GOLGA6L2: variants seen among roughly 807,000 people sequenced by gnomAD.
GOLGA6L2 encodes golgin A6 family like 2, also known as golgin subfamily A member 6-like protein 2.
GOLGA6L2 carries 30 observed loss-of-function variants against 35.9 expected under a neutral mutation model. The observed-to-expected ratio is 0.83, with a 90% CI of 0.62 to 1.13. The LOEUF is 1.13. GOLGA6L2 is among the 50% of genes most tolerant of loss of function. The probability of loss-of-function intolerance (pLI) is 0.00; values close to 1 mark genes in which losing one functional copy is unlikely to be tolerated. For synonymous variants in GOLGA6L2, 297 were observed against 344.0 expected, an observed-to-expected ratio of 0.86 and a Z score of 1.51; for missense variants, 821 against 973.4, an observed-to-expected ratio of 0.84 and a Z score of 2.08.
rs560246030 is a variant in GOLGA6L2, at chr15:23,439,254, A to T, written c.*491T>A. Among the ~76,000 whole-genome samples the T allele has an allele frequency of 6.7e-6, 1 of 149,014 alleles. No individual in the cohort carries two copies. The highest frequency in any genetic ancestry group is 2.5e-5 in the African/African-American group (1 of 40,322). ...CAGCCTCCTGAGTAGCTGTGATTAC[A>T]GGCGTGCACAACCACGCCCGGCTAA... On this transcript the variant is annotated 3_prime_UTR_variant, in exon 8 of 8. Transcript: ENST00000567107.
At position 23,441,331 on chromosome 15, in the gene GOLGA6L2, C is replaced by G. The variant is rs2070684286; in HGVS notation, c.1144G>C (p.Glu382Gln). ...WRQEERLWEQ[E>Q]KQMREQEQKM... is the part of the protein sequence containing the mutation. ...TGCTCCTGCTCCCGCATCTGCTTCTCCTGCTCCCACAGCCTCTCCTCCTGT... is the reference window on the plus strand; with the variant it reads ...TGCTCCTGCTCCCGCATCTGCTTCTGCTGCTCCCACAGCCTCTCCTCCTGT... Residue 382 changes from glutamate (E) to glutamine (Q), a missense_variant, in exon 8 of 8, where the codon GAG becomes CAG. By Grantham distance (29) the Glu-to-Gln change is conservative. Transcript: ENST00000567107. The G allele has an allele frequency of 2.6e-6, 4 of 1,540,048 alleles. No homozygotes were observed. Among genetic ancestry groups the G allele is most frequent in the Non-Finnish European group, 2.6e-6 (3 of 1,146,542 alleles).
At position 23,439,554 on chromosome 15, in the gene GOLGA6L2, T is replaced by A. The variant is rs572713774; in HGVS notation, c.*191A>T. The A allele has an allele frequency of 5.9e-6, 9 of 1,532,720 alleles. No homozygotes were observed. The highest frequency in any genetic ancestry group is 1.4e-5 in the African/African-American group (1 of 72,930). 94.9% of individuals were successfully genotyped at this position (1,532,720 alleles called of 1,614,324 possible). Reference sequence around the variant, plus strand: ...GACAGTGCCAACTTTTAGATATTGATGATCTTCATCTTTCTCTTGTCTCCT... The same window carrying A: ...GACAGTGCCAACTTTTAGATATTGAAGATCTTCATCTTTCTCTTGTCTCCT... On this transcript the variant is annotated 3_prime_UTR_variant, in exon 8 of 8. Transcript: ENST00000567107.
At chr15:23,444,129 AG>A (rs2070730729) in intron 4 of GOLGA6L2, 32 bp downstream of exon 4, 1 of 1,600,850 alleles carries the variant, frequency 6.2e-7, no homozygotes, top group African/African-American at 1.3e-5. Context: ...CCTTCTCCAG[AG>A]GACAGGAGGG....
chr15:23,443,942 T>C lies in GOLGA6L2; in HGVS notation c.426A>G (p.Ala142=). ...GACTCCCCCTAAAGGCCTGTGAAAG[T>C]GCCAGGTTGAAGGATGATGGGGTGC... ...NLGTPSSFNL[A]LSQAFRGSPL... is the part of the protein sequence containing the mutation. The change falls in exon 5 of 8, where the codon GCA becomes GCG. Residue 142 remains alanine (A), a synonymous_variant. Transcript: ENST00000567107. 1 of 1,558,796 alleles carries C rather than the reference T, an allele frequency of 6.4e-7. No individual in the cohort carries two copies. The highest frequency in any genetic ancestry group is 2.3e-5 in the East Asian group (1 of 42,742).
At position 23,443,809 on chromosome 15, in the gene GOLGA6L2, C is replaced by T. The variant is rs191130285; in HGVS notation, c.559G>A (p.Ala187Thr). 7.5e-5 allele frequency: 115 copies of T among 1,539,200 alleles called. No individual in the cohort carries two copies. In the Middle Eastern group the frequency reaches 1.0e-3, roughly 13 times the overall value. ...FAGELQRALS[A>T]VSTWHKKADR... ...GCCTTCTTGTGCCATGTGGACACAG[C>T]AGAGAGAGCCCGCTGTAACTCTCCT... Residue 187 changes from alanine to threonine, a missense_variant, in exon 5 of 8, where the codon GCT (alanine) becomes ACT (threonine). This residue lies in a region of GOLGA6L2 where 614 missense variants were observed against 632.3 expected (regional missense o/e 0.97). Coordinates refer to ENST00000567107, the MANE Select transcript of GOLGA6L2 (RefSeq NM_001304388.2).
intron 1 of GOLGA6L2, among the ~76,000 whole-genome samples, chr15:23,446,783 A>T (rs1886795968): frequency 6.6e-6 from 1 of 152,080 alleles, no homozygotes; most frequent in Non-Finnish European, 1.5e-5. Flanking sequence ...TGGGACACAC[A>T]GGTCCTTGGA....
chr15:23,447,147 ATGGGG>A lies in GOLGA6L2; in HGVS notation c.30_34del (p.Pro11AspfsTer12). The A allele has an allele frequency of 1.1e-6, 1 of 927,360 alleles. No homozygotes were observed. Among genetic ancestry groups the A allele is most frequent in the Non-Finnish European group, 1.6e-6 (1 of 625,048 alleles). 57.4% of individuals were successfully genotyped at this position (927,360 alleles called of 1,614,324 possible). A position where few individuals can be genotyped will look rare whatever the true frequency, so the allele number is the denominator to read the frequency against. ...GTTCTGTCTGGTTTTTTCTGACATC[ATGGGG>A]TGGGGAGGGAGGTGGGGTTGGGGCC... On this transcript the variant is annotated frameshift_variant, in exon 1 of 8. Coordinates refer to ENST00000567107, the MANE Select transcript of GOLGA6L2 (RefSeq NM_001304388.2). LOFTEE classifies it high-confidence loss of function.
chr15:23,444,576 A>C (rs909852364), intron 2 of GOLGA6L2, 76 bp from the exon 3 acceptor site: 21 of 1,379,410 alleles, frequency 1.5e-5, no homozygotes, highest in Non-Finnish European at 2.1e-5. Context: ...AGCGGTACGC[A>C]GGGGTCAGGA....
chr15:23,444,905 A>G (rs917049517), intron 2 of GOLGA6L2, among the ~76,000 whole-genome samples: 3 of 150,058 alleles, frequency 2.0e-5, no homozygotes, highest in African/African-American at 7.3e-5. Context: ...CTTGGCCCCA[A>G]GGTTTCCATT....
At chr15:23,444,619 A>G (rs1194264916) in intron 2 of GOLGA6L2, 119 bp from the exon 3 acceptor site, 43 of 827,790 alleles carry the variant, frequency 5.2e-5, no homozygotes, top group Admixed American at 1.2e-4. Flanking sequence ...CTCAGACCCA[A>G]TGGGAACATG....
At chr15:23,442,649 G>A (rs952092098) in intron 5 of GOLGA6L2, 141 bp from the exon 6 acceptor site, 545 of 752,590 alleles carry the variant, frequency 7.2e-4, no homozygotes, top group Non-Finnish European at 7.5e-4. Flanking sequence ...GCAATTCCAA[G>A]CCCATGGTCT....
At chr15:23,442,838 C>T (rs983493725) in intron 5 of GOLGA6L2, among the ~76,000 whole-genome samples, 76 of 152,102 alleles carry the variant, frequency 5.0e-4, no homozygotes, top group African/African-American at 1.8e-3. Flanking sequence ...CGCTACCACA[C>T]CTGGCTCTCA....
In GOLGA6L2 at chr15:23,440,587, C is replaced by T. The variant is rs372129004; in HGVS notation, c.1888G>A (p.Gly630Arg). Residue 630 changes from glycine to arginine, a missense_variant, in exon 8 of 8, where the codon GGA becomes AGA. Gly to Arg is a moderately radical substitution (Grantham distance 125). This residue lies in a region of GOLGA6L2 where 99 missense variants were observed against 199.9 expected (regional missense o/e 0.50). Transcript: ENST00000567107. ...MGPGGEDARG[G>R]EDAGAGEEDA... ...TCTTCTCCCGCTCCCGCATCCTCTC[C>T]TCCTCTCGCATCTTCTCCTCCTGGT... 6.6e-4 allele frequency: 905 copies of T among 1,367,698 alleles called. No individual in the cohort carries two copies. The South Asian group carries it at 7.4e-3, about 11-fold the overall frequency. 84.7% of individuals were successfully genotyped at this position (1,367,698 alleles called of 1,614,324 possible).
Position 23,440,999 on chromosome 15 carries a change from C to G in GOLGA6L2, c.1476G>C (p.Arg492Ser). The stretch of plus-strand genomic sequence containing the variant: ...ACAGCTTCTCCTTCTGTTCCGGCAG[C>G]CTCTGCTGCTGCCACTCCTTCTCTT... ...EQEEKEWQQQ[R>S]LPEQKEKLWE... The change falls in exon 8 of 8, where the codon AGG (arginine) becomes AGC (serine). Residue 492 changes from arginine (R) to serine (S), a missense_variant. By Grantham distance (110) the Arg-to-Ser change is moderately radical. Coordinates refer to ENST00000567107, the MANE Select transcript of GOLGA6L2 (RefSeq NM_001304388.2). 2 of 1,536,758 alleles carry G rather than the reference C, an allele frequency of 1.3e-6. No individual in the cohort carries two copies. The highest frequency in any genetic ancestry group is 1.8e-6 in the Non-Finnish European group (2 of 1,141,688).
In GOLGA6L2 at chr15:23,441,540, T is replaced by G. The variant is rs113964342; in HGVS notation, c.935A>C (p.Gln312Pro). Residue 312 changes from glutamine to proline, a missense_variant, in exon 8 of 8, where the codon CAG (glutamine) becomes CCG (proline). Transcript: ENST00000567107. ...LREQEGKMRE[Q>P]EEKMRRQEKR... ...CTCCTGTCTCCGCATCTTCTCCTCCTGCTCCCGCATCTTCCCCTCCTGCTC... is the reference window on the plus strand; with the variant it reads ...CTCCTGTCTCCGCATCTTCTCCTCCGGCTCCCGCATCTTCCCCTCCTGCTC... 0.14 allele frequency: 205,483 copies of G among 1,450,760 alleles called. 13,560 individuals are homozygous for G. Among genetic ancestry groups the G allele is most frequent in the South Asian group, 0.17 (13,557 of 79,628 alleles). The allele number at this position is 1,450,760 out of a possible 1,614,324, so 89.9% of individuals were successfully genotyped here.
chr15:23,439,447 C>CT lies in GOLGA6L2; in HGVS notation c.*297dup, dbSNP rs74627979. ...CACAATTTAAAGTAAATTTTCTTTT[C>CT]TTTTTTTTTTTTTTTTTCAAGTTTG... On this transcript the variant is annotated 3_prime_UTR_variant, in exon 8 of 8. Coordinates refer to ENST00000567107, the MANE Select transcript of GOLGA6L2 (RefSeq NM_001304388.2). The CT allele has an allele frequency of 0.053, 22,252 of 416,828 alleles. 38 individuals are homozygous for CT. The highest frequency in any genetic ancestry group is 0.071 in the South Asian group (2,504 of 35,120). 25.8% of individuals were successfully genotyped at this position (416,828 alleles called of 1,614,324 possible).
intron 5 of GOLGA6L2, among the ~76,000 whole-genome samples, chr15:23,443,254 T>C (rs1040533026): frequency 1.3e-5 from 2 of 152,116 alleles, no homozygotes; most frequent in Non-Finnish European, 2.9e-5. Flanking sequence ...GAACGATACA[T>C]TGGCATAGTC....
chr15:23,443,921 C>A lies in GOLGA6L2; in HGVS notation c.447G>T (p.Gly149=). Reference sequence around the variant, plus strand: ...AGGTTGAGACACAGCCCAAAGGACTCCCCCTAAAGGCCTGTGAAAGTGCCA... The same window carrying A: ...AGGTTGAGACACAGCCCAAAGGACTACCCCTAAAGGCCTGTGAAAGTGCCA... The part of the protein sequence containing the change: ...FNLALSQAFR[G]SPLGCVSTSL... The change falls in exon 5 of 8, where the codon GGG becomes GGT. Residue 149 remains glycine, a synonymous_variant. Transcript: ENST00000567107. 6.4e-7 allele frequency: 1 copy of A among 1,551,306 alleles called. No homozygotes were observed. Among genetic ancestry groups the A allele is most frequent in the Non-Finnish European group, 8.7e-7 (1 of 1,154,936 alleles).
intron 5 of GOLGA6L2, 77 bp downstream of exon 5, chr15:23,443,700 G>T: frequency 2.6e-6 from 3 of 1,137,870 alleles, no homozygotes; most frequent in Admixed American, 4.0e-5. Flanking sequence ...ACTGCATCCT[G>T]CAGGAGGGAC....
Sources: gnomAD v4.1 joint callset for allele counts (sites outside exome capture counted in the v4.1 genomes callset) on GRCh38, gnomAD v4.1.1 for gene constraint, gnomAD v4.1.1 regional missense constraint, MANE v1.5 for transcripts, NCBI Gene and HGNC (gene_info 2026-07-23, HGNC 2026-07-21) for gene names.